NDST1: variants seen among roughly 807,000 people sequenced by gnomAD.
NDST1 encodes the protein N-deacetylase and N-sulfotransferase 1, also known as bifunctional heparan sulfate N-deacetylase/N-sulfotransferase 1.
Under a neutral mutation model 92.8 loss-of-function variants are expected in NDST1, and 35 were observed. That is an observed-to-expected ratio of 0.38 (90% CI 0.29 to 0.50). The LOEUF (loss-of-function observed/expected upper bound fraction) is 0.50. Ranked by LOEUF, NDST1 falls within the 20% of genes least tolerant of loss-of-function variation. The pLI, the probability that NDST1 is intolerant of heterozygous loss-of-function variation, is 0.94. For missense variants in NDST1, 822 were observed against 1,182.7 expected (o/e 0.69, Z 4.47); for synonymous variants, 493 against 500.3 (o/e 0.99, Z 0.19).
rs78548826 is a variant in NDST1 at position 150,508,852 on chromosome 5, C to G, written c.-388+626C>G. On this transcript the variant is annotated intron_variant, in intron 1 of 14. Coordinates refer to ENST00000261797, the MANE Select transcript of NDST1 (RefSeq NM_001543.5). ...TTAGATTCTCAAAGGGTTCTATAACCCCCAGAAGGTCACAGACTTCTCCTC... is the reference window on the plus strand; with the variant it reads ...TTAGATTCTCAAAGGGTTCTATAACGCCCAGAAGGTCACAGACTTCTCCTC... 5.7e-3 allele frequency among the ~76,000 whole-genome samples: 867 copies of G among 152,218 alleles called. 2 individuals are homozygous for G. Among genetic ancestry groups the G allele is most frequent in the Non-Finnish European group, 9.1e-3 (616 of 68,008 alleles).
chr5:150,509,228 G>A (rs553469224), intron 1 of NDST1, among the ~76,000 whole-genome samples: 1 of 152,360 alleles, frequency 6.6e-6, no homozygotes, highest in South Asian at 2.1e-4. Context: ...GGGCATGCGG[G>A]AGGGTGGGGG....
Position 150,553,180 on chromosome 5 carries a change from T to G in NDST1, c.2530-33T>G, listed in dbSNP as rs765977881. On this transcript the variant is annotated intron_variant, in intron 14 of 14. Coordinates refer to ENST00000261797, the MANE Select transcript of NDST1 (RefSeq NM_001543.5). The surrounding 1 kb of genome is among the most constrained non-coding windows in gnomAD (Gnocchi z 4.2). ...TTAGAGGAGGTCACTCTTAAGTCAG[T>G]ACACAAGGTCTGAGCTTTCCTTCCC... is the stretch of plus-strand genomic sequence containing the variant. The G allele has an allele frequency of 1.9e-6, 3 of 1,607,482 alleles. No individual in the cohort carries two copies. The Admixed American group carries it at 5.0e-5, about 27-fold the overall frequency.
chr5:150,543,375 C>T (rs981900414), intron 10 of NDST1, among the ~76,000 whole-genome samples: 5 of 152,246 alleles, frequency 3.3e-5, no homozygotes, highest in East Asian at 3.9e-4. Context: ...AGGGACAGGT[C>T]GCTGGTCTTT....
At chr5:150,509,839 G>A (rs1452000449) in intron 1 of NDST1, among the ~76,000 whole-genome samples, 4 of 152,190 alleles carry the variant, frequency 2.6e-5, no homozygotes, top group Non-Finnish European at 5.9e-5. Context: ...TGGGGTGTCT[G>A]ATGGGGGCGT....
Position 150,528,054 on chromosome 5 carries a change from ACGCCGG to A in NDST1, c.766_771del (p.Ala256_Gly257del). The A allele has an allele frequency of 6.2e-7, 1 of 1,613,632 alleles. No individual in the cohort carries two copies. The highest frequency in any genetic ancestry group is 8.5e-7 in the Non-Finnish European group (1 of 1,179,770). On this transcript the variant is annotated inframe_deletion, in exon 3 of 15. Coordinates refer to ENST00000261797, the MANE Select transcript of NDST1 (RefSeq NM_001543.5). Reference sequence around the variant, plus strand: ...GAGTCCATCCCACACCTGGGCGCAGACGCCGGCCTGCATGCTGCACTGCACGCCACT... The same window carrying A: ...GAGTCCATCCCACACCTGGGCGCAGACCTGCATGCTGCACTGCACGCCACT...
intron 3 of NDST1, among the ~76,000 whole-genome samples, chr5:150,531,699 A>G (rs928203156): frequency 6.7e-6 from 1 of 149,792 alleles, no homozygotes; most frequent in African/African-American, 2.5e-5. Flanking sequence ...GGGTTTCACC[A>G]TGTTGGTCAG....
At chr5:150,505,828 G>C (rs1037769343), upstream of NDST1, among the ~76,000 whole-genome samples, 1 of 152,054 alleles carries the variant, frequency 6.6e-6, no homozygotes, top group East Asian at 1.9e-4. Flanking sequence ...CTCCCAGGCT[G>C]CAGTGCCATA....
At position 150,521,897 on chromosome 5, in the gene NDST1, A is replaced by G. The variant is rs1018482479; in HGVS notation, c.513+130A>G. On this transcript the variant is annotated intron_variant, in intron 2 of 14. Transcript: ENST00000261797. This position sits in a 1 kb window ranked among gnomAD's most constrained non-coding sequence, Gnocchi z 5.9. ...GGTTGTTGGGAGGGTTAAATGAGTG[A>G]GTATATGTAAAGCACTGGGAGCATG... The G allele has an allele frequency of 2.7e-5, 33 of 1,215,178 alleles. No homozygotes were observed. In the African/African-American group the frequency reaches 4.9e-4, roughly 18 times the overall value. 75.3% of individuals were successfully genotyped at this position (1,215,178 alleles called of 1,614,324 possible).
Position 150,521,364 on chromosome 5 carries a change from A to G in NDST1, c.110A>G (p.Tyr37Cys), listed in dbSNP as rs1359048003. 6.2e-7 allele frequency: 1 copy of G among 1,613,222 alleles called. No homozygotes were observed. The highest frequency in any genetic ancestry group is 1.7e-5 in the Admixed American group (1 of 59,988). Residue 37 changes from tyrosine (Y) to cysteine (C), a missense_variant, in exon 2 of 15, where the codon TAC becomes TGC. By Grantham distance (194) the Tyr-to-Cys change is radical. Transcript: ENST00000261797. The surrounding 1 kb of genome is among the most constrained non-coding windows in gnomAD (Gnocchi z 5.9). ...TTCAGCGTTTTCATCTCGGCCTACT[A>G]CCTATATGGCTGGAAGCGAGGCCTG... is the stretch of plus-strand genomic sequence containing the variant. The part of the protein sequence containing the change: ...CLFSVFISAY[Y>C]LYGWKRGLEP...
At chr5:150,506,820 G>C (rs1323673053), upstream of NDST1, among the ~76,000 whole-genome samples, 1 of 152,164 alleles carries the variant, frequency 6.6e-6, no homozygotes, top group Admixed American at 6.5e-5. Flanking sequence ...GGGACTGGCT[G>C]CTTTCATGTG....
rs182618751 is a variant in NDST1 at position 150,523,414 on chromosome 5, C to T, written c.513+1647C>T. On this transcript the variant is annotated intron_variant, in intron 2 of 14. Transcript: ENST00000261797. ...TGAGTGCTCACTCAGTGCCATGCAC[C>T]GTCTACATGCGTTGTGCAGATTCAC... Among the ~76,000 whole-genome samples the T allele has an allele frequency of 5.3e-5, 8 of 152,322 alleles. No homozygotes were observed. In the East Asian group the frequency reaches 1.2e-3, roughly 22 times the overall value.
At chr5:150,546,657 C>T (rs1043450274) in intron 11 of NDST1, among the ~76,000 whole-genome samples, 5 of 152,246 alleles carry the variant, frequency 3.3e-5, no homozygotes, top group Admixed American at 3.3e-4. Flanking sequence ...TCATAGTTCC[C>T]ACCCTGCTTT....
Position 150,541,213 on chromosome 5 carries a change from T to G in NDST1, c.1750-357T>G, listed in dbSNP as rs577988858. 1.3e-4 allele frequency among the ~76,000 whole-genome samples: 20 copies of G among 152,372 alleles called. No homozygotes were observed. In the East Asian group the frequency reaches 3.9e-3, roughly 29 times the overall value. ...CGAGTAGTTGCAATGGAAACTTCCATGCCCCAAACCTAAAATATTTACTAA... is the reference window on the plus strand; with the variant it reads ...CGAGTAGTTGCAATGGAAACTTCCAGGCCCCAAACCTAAAATATTTACTAA... On this transcript the variant is annotated intron_variant, in intron 8 of 14. Coordinates refer to ENST00000261797, the MANE Select transcript of NDST1 (RefSeq NM_001543.5).
rs183636925 is a variant in NDST1 at position 150,532,247 on chromosome 5, A to G, written c.1009-698A>G. On this transcript the variant is annotated intron_variant, in intron 3 of 14. Transcript: ENST00000261797. ...TTAGCCTCCCGAATAGCTGGCATAC[A>G]TGCGGTTATCTTACTTGATTCTTCC... Among the ~76,000 whole-genome samples, 6 of 152,300 alleles carry G rather than the reference A, an allele frequency of 3.9e-5. No homozygotes were observed. In the East Asian group the frequency reaches 1.2e-3, roughly 29 times the overall value.
Position 150,520,902 on chromosome 5 carries a change from T to C in NDST1, c.-353T>C. On this transcript the variant is annotated 5_prime_UTR_variant, in exon 2 of 15. It removes an upstream start codon present in the reference 5' UTR. Coordinates refer to ENST00000261797, the MANE Select transcript of NDST1 (RefSeq NM_001543.5). ...CGTGGGCCCCACGGAGTGAGCGGCATGCAGCACCCCCGGGCCTGTCCAGTG... is the reference window on the plus strand; with the variant it reads ...CGTGGGCCCCACGGAGTGAGCGGCACGCAGCACCCCCGGGCCTGTCCAGTG... 2.0e-6 allele frequency: 1 copy of C among 492,640 alleles called. No homozygotes were observed. The highest frequency in any genetic ancestry group is 3.7e-5 in the Admixed American group (1 of 27,016). The allele number at this position is 492,640 out of a possible 1,614,324, so 30.5% of individuals were successfully genotyped here.
At chr5:150,504,509 C>T (rs899515885), upstream of NDST1, among the ~76,000 whole-genome samples, 2 of 152,264 alleles carry the variant, frequency 1.3e-5, no homozygotes, top group African/African-American at 4.8e-5. Context: ...GTAATCTTGC[C>T]ATAATCTGCC....
intron 1 of NDST1, among the ~76,000 whole-genome samples, chr5:150,509,433 G>A (rs939098050): frequency 1.3e-5 from 2 of 152,204 alleles, no homozygotes; most frequent in African/African-American, 4.8e-5. Context: ...CCTTTGCGGT[G>A]CCCTGCTAGC....
Position 150,553,185 on chromosome 5 carries a change from A to G in NDST1, c.2530-28A>G, listed in dbSNP as rs1755797779. 6.2e-7 allele frequency: 1 copy of G among 1,609,128 alleles called. No individual in the cohort carries two copies. Among genetic ancestry groups the G allele is most frequent in the Non-Finnish European group, 8.5e-7 (1 of 1,176,758 alleles). ...GGAGGTCACTCTTAAGTCAGTACAC[A>G]AGGTCTGAGCTTTCCTTCCCGTTAC... On this transcript the variant is annotated intron_variant, in intron 14 of 14. Transcript: ENST00000261797. The surrounding 1 kb of genome is among the most constrained non-coding windows in gnomAD (Gnocchi z 4.2).
intron 3 of NDST1, among the ~76,000 whole-genome samples, chr5:150,531,586 G>A (rs989539241): frequency 1.4e-5 from 2 of 146,192 alleles, no homozygotes; most frequent in African/African-American, 5.1e-5. Flanking sequence ...TGCAACCTCC[G>A]CCTCCTGGGT....
Sources: gnomAD v4.1 joint callset for allele counts (sites outside exome capture counted in the v4.1 genomes callset) on GRCh38, gnomAD v4.1.1 for gene constraint, Gnocchi (gnomAD v3.1) non-coding constraint, MANE v1.5 for transcripts, NCBI Gene and HGNC (gene_info 2026-07-23, HGNC 2026-07-21) for gene names.